The following TDRD3 variants were observed in gnomAD, a reference collection of about 807,000 sequenced individuals.
TDRD3 encodes tudor domain-containing protein 3.
A neutral mutation model predicts 86.7 loss-of-function variants in TDRD3; 45 were observed. That is an observed-to-expected ratio of 0.52 (90% CI 0.41 to 0.67). The LOEUF is 0.67. Among genes scored for constraint, TDRD3 ranks in the 30% least tolerant of loss-of-function variants. The pLI is 0.00. For missense variants in TDRD3, 814 were observed against 889.0 expected (o/e 0.92, Z 1.07); for synonymous variants, 298 against 301.7 (o/e 0.99, Z 0.13).
At chr13:60,516,498 T>C (rs2137696516) in intron 10 of TDRD3, among the ~76,000 whole-genome samples, 1 of 152,332 alleles carries the variant, frequency 6.6e-6, no homozygotes, top group South Asian at 2.1e-4. Flanking sequence ...TTGTTTTCTG[T>C]TATCTAATGA....
intron 8 of TDRD3, among the ~76,000 whole-genome samples, chr13:60,509,106 C>T (rs1001375580): frequency 1.3e-5 from 2 of 152,102 alleles, no homozygotes; most frequent in African/African-American, 2.4e-5. Flanking sequence ...TTTTGTTTTT[C>T]TCAGCTGGCT....
intron 3 of TDRD3, among the ~76,000 whole-genome samples, chr13:60,455,087 A>G (rs1955636149): frequency 1.3e-5 from 2 of 151,810 alleles, no homozygotes; most frequent in African/African-American, 4.8e-5. Flanking sequence ...CTAATTTTGT[A>G]TTTTTAGTAG....
chr13:60,454,663 A>AC (rs1460525009), intron 3 of TDRD3, among the ~76,000 whole-genome samples: 1 of 152,154 alleles, frequency 6.6e-6, no homozygotes, highest in African/African-American at 2.4e-5. Context: ...TGAAACTCTT[A>AC]GTTGCAGTGT....
chr13:60,433,118 CA>C (rs1292434031), intron 1 of TDRD3, among the ~76,000 whole-genome samples: 3 of 152,132 alleles, frequency 2.0e-5, no homozygotes, highest in African/African-American at 7.2e-5. Flanking sequence ...TTTCATGTGT[CA>C]TCAGCCCAGT....
chr13:60,529,327 C>T (rs966595033), intron 11 of TDRD3, 110 bp downstream of exon 11: 4 of 1,224,188 alleles, frequency 3.3e-6, no homozygotes, highest in African/African-American at 3.1e-5. Context: ...TACTATTGTA[C>T]CTGTTTAAAA....
At chr13:60,561,666 G>A (rs1595122696) in intron 12 of TDRD3, among the ~76,000 whole-genome samples, 1 of 152,082 alleles carries the variant, frequency 6.6e-6, no homozygotes, top group Admixed American at 6.6e-5. Flanking sequence ...TGAGATTTAC[G>A]ATACCTGTAT....
chr13:60,540,047 A>C (rs943351593), intron 12 of TDRD3, among the ~76,000 whole-genome samples: 7 of 152,088 alleles, frequency 4.6e-5, no homozygotes, highest in Non-Finnish European at 1.0e-4. Context: ...CAATACAAGC[A>C]CCTATGTGAC....
intron 8 of TDRD3, among the ~76,000 whole-genome samples, chr13:60,506,916 G>T (rs1443595801): frequency 6.6e-6 from 1 of 152,096 alleles, no homozygotes; most frequent in Non-Finnish European, 1.5e-5. Context: ...TGGCAAATTG[G>T]ATAAAGAGTC....
intron 6 of TDRD3, 129 bp from the exon 7 acceptor site, chr13:60,485,670 A>G: frequency 1.4e-6 from 1 of 738,752 alleles, no homozygotes; most frequent in Non-Finnish European, 1.9e-6. Context: ...ATGGGATAGA[A>G]TTTTATTTGT....
At chr13:60,405,371 A>G (rs952805) in intron 1 of TDRD3, among the ~76,000 whole-genome samples, 30,130 of 152,190 alleles carry the variant, frequency 0.2, 3,611 homozygotes, top group South Asian at 0.29. Context: ...ATTCAAACAT[A>G]CTGCATCTAT....
chr13:60,566,690 A>C (rs1958467292), intron 12 of TDRD3, among the ~76,000 whole-genome samples: 1 of 152,178 alleles, frequency 6.6e-6, no homozygotes, highest in Non-Finnish European at 1.5e-5. Context: ...TAGCTGTGTT[A>C]ATTCAAAAAC....
chr13:60,405,080 A>G (rs761700770), intron 1 of TDRD3, among the ~76,000 whole-genome samples: 3 of 152,194 alleles, frequency 2.0e-5, no homozygotes, highest in Non-Finnish European at 4.4e-5. Flanking sequence ...TGTTAAGTCC[A>G]ATAAATGTCT....
At chr13:60,553,092 C>A (rs1958103633) in intron 12 of TDRD3, among the ~76,000 whole-genome samples, 1 of 152,238 alleles carries the variant, frequency 6.6e-6, no homozygotes, top group African/African-American at 2.4e-5. Context: ...TGAACTCTTA[C>A]CCAGAAAATG....
At chr13:60,427,340 T>C (rs1298470348) in intron 1 of TDRD3, among the ~76,000 whole-genome samples, 2 of 143,012 alleles carry the variant, frequency 1.4e-5, no homozygotes, top group East Asian at 3.9e-4. Flanking sequence ...TAGTGTTAAA[T>C]TGTAAAGATT....
chr13:60,474,809 A>G (rs1368176561), intron 5 of TDRD3, among the ~76,000 whole-genome samples: 1 of 152,016 alleles, frequency 6.6e-6, no homozygotes, highest in Non-Finnish European at 1.5e-5. Context: ...TTTGGTAAAG[A>G]TCAAGTTCCT....
intron 10 of TDRD3, among the ~76,000 whole-genome samples, chr13:60,525,086 C>CAAAAAA (rs372010456): frequency 6.5e-4 from 26 of 39,718 alleles, no homozygotes; most frequent in East Asian, 1.0e-3. Context: ...AATTTTCTCT[C>CAAAAAA]AAAAAAAAAA....
intron 1 of TDRD3, among the ~76,000 whole-genome samples, chr13:60,431,235 A>G (rs796749990): frequency 5.3e-5 from 8 of 152,114 alleles, no homozygotes; most frequent in African/African-American, 1.7e-4. Context: ...CTAGTTTAGT[A>G]TCTCTTCAGG....
In TDRD3 at chr13:60,557,820, A is replaced by ATTTTTTTTTTT. The variant is rs749028045; in HGVS notation, c.2119-9693_2119-9683dup. Among the ~76,000 whole-genome samples, 62 of 88,286 alleles carry ATTTTTTTTTTT rather than the reference A, an allele frequency of 7.0e-4. 2 individuals carry two copies. Among genetic ancestry groups the ATTTTTTTTTTT allele is most frequent in the Non-Finnish European group, 9.3e-4 (42 of 45,048 alleles). 57.9% of individuals were successfully genotyped at this position (88,286 alleles called of 152,430 possible). On this transcript the variant is annotated intron_variant, in intron 12 of 13. Coordinates refer to ENST00000377881, the MANE Select transcript of TDRD3 (RefSeq NM_001146070.2). ...GGCATAAAGGATTTTTTTTTTCCTG[A>ATTTTTTTTTTT]TTTTTTTTTTTTTTTTTTTTTTGAG...
intron 9 of TDRD3, 119 bp downstream of exon 9, chr13:60,510,038 G>A (rs1957024231): frequency 8.4e-7 from 1 of 1,186,390 alleles, no homozygotes; most frequent in Non-Finnish European, 1.2e-6. Context: ...TATGGTAAGT[G>A]GAAGGAACAC....
Sources: gnomAD v4.1 joint callset for allele counts (sites outside exome capture counted in the v4.1 genomes callset) on GRCh38, gnomAD v4.1.1 for gene constraint, MANE v1.5 for transcripts, NCBI Gene and HGNC (gene_info 2026-07-23, HGNC 2026-07-21) for gene names.